Variants in ENG observed in about 807,000 individuals in gnomAD.
ENG encodes CD105 antigen.
ENG carries 17 observed loss-of-function variants against 71.0 expected under a neutral mutation model. That is an observed-to-expected ratio of 0.24 (90% CI 0.16 to 0.36). The LOEUF is 0.36. Among genes scored for constraint, ENG ranks in the 10% least tolerant of loss-of-function variants. The pLI is 1.00. For missense variants in ENG, 749 were observed against 868.3 expected (o/e 0.86, Z 1.73); for synonymous variants, 360 against 366.9 (o/e 0.98, Z 0.21).
Position 127,825,806 on chromosome 9 carries a change from G to A in ENG, c.578C>T (p.Thr193Met), listed in dbSNP as rs775442178. 45 of 1,597,196 alleles carry A rather than the reference G, an allele frequency of 2.8e-5. 1 individual carries two copies. The highest frequency in any genetic ancestry group is 2.7e-4 in the East Asian group (12 of 44,108). ...TGGAGTACGCGGCCGCCACTCGAGC[G>A]TGCGGCCCATGTCCTGGCTGGCTTC... The part of the protein sequence containing the change: ...MLEASQDMGR[T>M]LEWRPRTPAL... The change falls in exon 5 of 15, where the codon ACG (threonine) becomes ATG (methionine). Residue 193 changes from threonine (T) to methionine (M), a missense_variant. By Grantham distance (81) the Thr-to-Met change is moderately conservative. Coordinates refer to ENST00000373203, the MANE Select transcript of ENG (RefSeq NM_001114753.3).
intron 13 of ENG, chr9:127,816,287 C>G: frequency 1.7e-6 from 1 of 602,078 alleles, no homozygotes; most frequent in South Asian, 1.9e-5. Context: ...TTGGGTCATG[C>G]CTCTGCCCCT....
At chr9:127,821,880 T>TAA (rs34166162) in intron 8 of ENG, among the ~76,000 whole-genome samples, 13 of 53,010 alleles carry the variant, frequency 2.5e-4, no homozygotes, top group African/African-American at 5.0e-4. Flanking sequence ...GAGACTGTCT[T>TAA]AAAAAAAAAA....
At chr9:127,817,126 C>T (rs772566702) in intron 13 of ENG, 23 bp downstream of exon 13, 42 of 1,613,952 alleles carry the variant, frequency 2.6e-5, no homozygotes, top group Non-Finnish European at 3.2e-5. Context: ...AGAACAAACC[C>T]GAGAGACCTG....
chr9:127,825,406 G>A (rs1433996660), intron 5 of ENG, 49 bp from the exon 6 acceptor site: 46 of 1,602,654 alleles, frequency 2.9e-5, no homozygotes, highest in Middle Eastern at 1.9e-4. Flanking sequence ...CAGGCCAGGC[G>A]GGGAGCGAGG....
chr9:127,816,640 G>A (rs1830324285), intron 13 of ENG: 1 of 246,166 alleles, frequency 4.1e-6, no homozygotes. Flanking sequence ...ATCCTGGCCT[G>A]GATGGGGTGG....
intron 1 of ENG, among the ~76,000 whole-genome samples, chr9:127,845,203 C>A (rs1344208447): frequency 6.6e-6 from 1 of 152,218 alleles, no homozygotes; most frequent in African/African-American, 2.4e-5. Context: ...CATGTCCAGC[C>A]AAGGCCGGCT....
chr9:127,843,776 T>A (rs1433537203), intron 1 of ENG, among the ~76,000 whole-genome samples: 23 of 94,128 alleles, frequency 2.4e-4, no homozygotes, highest in Admixed American at 2.4e-3. Flanking sequence ...TTTTTTTTTT[T>A]TTTTTTTTTT....
At chr9:127,847,665 G>T (rs542221221) in intron 1 of ENG, among the ~76,000 whole-genome samples, 18 of 152,202 alleles carry the variant, frequency 1.2e-4, no homozygotes, top group Non-Finnish European at 2.1e-4. Context: ...GCGCAGGCTG[G>T]TCTCAAACTC....
chr9:127,831,137 A>G (rs1358819222), intron 2 of ENG, among the ~76,000 whole-genome samples: 1 of 151,576 alleles, frequency 6.6e-6, no homozygotes, highest in Non-Finnish European at 1.5e-5. Flanking sequence ...AATCCTTTCA[A>G]CAACCTTAAG....
chr9:127,843,362 C>G, intron 1 of ENG, 117 bp from the exon 2 acceptor site: 2 of 1,344,468 alleles, frequency 1.5e-6, no homozygotes, highest in Non-Finnish European at 2.1e-6. Flanking sequence ...TGCATCATCA[C>G]AGCCACCTTA....
intron 2 of ENG, among the ~76,000 whole-genome samples, chr9:127,837,388 C>T (rs1443532176): frequency 6.6e-6 from 1 of 152,108 alleles, no homozygotes; most frequent in African/African-American, 2.4e-5. Context: ...AGCCAGATGG[C>T]CACAGAGTGG....
In ENG at chr9:127,818,920, C is replaced by T. The variant is rs570525006; in HGVS notation, c.1312-88G>A. Reference sequence around the variant, plus strand: ...GTGGGGAGGAACAGGCATCATGGCCCTGTGGAGTTGCCTGACTCTCTTTTT... The same window carrying T: ...GTGGGGAGGAACAGGCATCATGGCCTTGTGGAGTTGCCTGACTCTCTTTTT... On this transcript the variant is annotated intron_variant, in intron 10 of 14. Coordinates refer to ENST00000373203, the MANE Select transcript of ENG (RefSeq NM_001114753.3). 14 of 1,131,298 alleles carry T rather than the reference C, an allele frequency of 1.2e-5. No individual in the cohort carries two copies. The African/African-American group carries it at 1.9e-4, about 15-fold the overall frequency. The allele number at this position is 1,131,298 out of a possible 1,614,324, so 70.1% of individuals were successfully genotyped here. A position where few individuals can be genotyped will look rare whatever the true frequency, so the allele number is the denominator to read the frequency against.
At chr9:127,851,770 C>G (rs1384783539) in intron 1 of ENG, among the ~76,000 whole-genome samples, 2 of 151,810 alleles carry the variant, frequency 1.3e-5, no homozygotes, top group Non-Finnish European at 2.9e-5. Context: ...CCCAGCTACT[C>G]GAGAGGATGA....
chr9:127,840,397 A>C (rs1453726387), intron 2 of ENG, among the ~76,000 whole-genome samples: 1 of 152,224 alleles, frequency 6.6e-6, no homozygotes, highest in Non-Finnish European at 1.5e-5. Flanking sequence ...GGAGTTCAAA[A>C]CTAGCCTCTC....
intron 1 of ENG, among the ~76,000 whole-genome samples, chr9:127,850,863 C>A (rs1183855485): frequency 6.6e-6 from 1 of 152,204 alleles, no homozygotes; most frequent in Non-Finnish European, 1.5e-5. Flanking sequence ...GTATTTATAA[C>A]TAGAACAAAG....
chr9:127,824,581 C>A, intron 7 of ENG, 135 bp from the exon 8 acceptor site: 1 of 1,222,850 alleles, frequency 8.2e-7, no homozygotes, highest in Non-Finnish European at 1.1e-6. Context: ...TGCAGTGGCA[C>A]GATCTTGGCT....
intron 7 of ENG, 37 bp downstream of exon 7, chr9:127,824,763 G>A (rs749057017): frequency 6.8e-7 from 1 of 1,465,808 alleles, no homozygotes; most frequent in Admixed American, 2.4e-5. Context: ...ATCCAAGGGA[G>A]GGGAAGGGAA....
chr9:127,854,148 G>GA, intron 1 of ENG, 141 bp downstream of exon 1: 1 of 782,730 alleles, frequency 1.3e-6, no homozygotes, highest in East Asian at 2.8e-5. Flanking sequence ...AGCAAACTGG[G>GA]AGGGTTGGTG....
At position 127,815,704 on chromosome 9, in the gene ENG, C is replaced by G. The variant is rs774869649; in HGVS notation, c.1955G>C (p.Cys652Ser). The part of the protein sequence containing the change: ...HSIGSTQSTP[C>S]STSSMA ...GGGCTATGCCATGCTGCTGGTGGAGCAGGGGGTGCTCTGGGTGCTCCCGAT... is the reference window on the plus strand; with the variant it reads ...GGGCTATGCCATGCTGCTGGTGGAGGAGGGGGTGCTCTGGGTGCTCCCGAT... The change falls in exon 15 of 15, where the codon TGC becomes TCC. Residue 652 changes from cysteine to serine, a missense_variant. Coordinates refer to ENST00000373203, the MANE Select transcript of ENG (RefSeq NM_001114753.3). 1 of 1,564,206 alleles carries G rather than the reference C, an allele frequency of 6.4e-7. No individual in the cohort carries two copies. Among genetic ancestry groups the G allele is most frequent in the South Asian group, 1.2e-5 (1 of 85,738 alleles).
Sources: allele counts gnomAD v4.1 joint callset (sites outside exome capture counted in the v4.1 genomes callset), GRCh38; gene constraint gnomAD v4.1.1; transcripts MANE v1.5; gene names NCBI Gene and HGNC (gene_info 2026-07-23, HGNC 2026-07-21).